The following SYNJ2 variants were observed in gnomAD, a reference collection of about 807,000 sequenced individuals.
The protein encoded by SYNJ2 is polyphosphatidylinositol phosphatase SYNJ2.
In SYNJ2, 116 loss-of-function variants were observed where a neutral mutation model predicts 141.3. The observed-to-expected ratio is 0.82, with a 90% CI of 0.71 to 0.96. The LOEUF is 0.96. Among genes scored for constraint, SYNJ2 ranks in the 40% least tolerant of loss-of-function variants. The pLI is 0.00. For synonymous variants in SYNJ2, 745 were observed against 777.7 expected, an observed-to-expected ratio of 0.96 and a Z score of 0.70; for missense variants, 1,873 against 1,934.8, an observed-to-expected ratio of 0.97 and a Z score of 0.60.
intron 5 of SYNJ2, among the ~76,000 whole-genome samples, chr6:158,052,972 T>C (rs901669247): frequency 1.3e-5 from 2 of 152,378 alleles, no homozygotes; most frequent in African/African-American, 4.8e-5. Context: ...TACTGCATTT[T>C]GTGGTCATGT....
At position 158,066,770 on chromosome 6, in the gene SYNJ2, C is replaced by G; in HGVS notation, c.1717+135C>G. The G allele has an allele frequency of 2.2e-5, 23 of 1,027,164 alleles. 2 individuals are homozygous for G. In the South Asian group the frequency reaches 3.5e-4, roughly 15 times the overall value. 63.6% of individuals were successfully genotyped at this position (1,027,164 alleles called of 1,614,324 possible). On this transcript the variant is annotated intron_variant, in intron 12 of 26. Transcript: ENST00000355585. ...CCCTCCTCACAATGTCTAAATAGCA[C>G]CATGGCCTGACTCTCAAGAATGCTG... is the stretch of plus-strand genomic sequence containing the variant.
At chr6:157,997,969 G>A (rs902204116) in intron 1 of SYNJ2, among the ~76,000 whole-genome samples, 1 of 152,222 alleles carries the variant, frequency 6.6e-6, no homozygotes, top group East Asian at 1.9e-4. Context: ...GAAAGGTAAG[G>A]GTGGATACTC....
intron 1 of SYNJ2, among the ~76,000 whole-genome samples, chr6:157,998,633 TAAA>T (rs1421251590): frequency 6.6e-6 from 1 of 152,144 alleles, no homozygotes; most frequent in Admixed American, 6.5e-5. Flanking sequence ...TATTTAAGTG[TAAA>T]AAAACAACTT....
At chr6:158,042,951 G>A (rs904174854) in intron 4 of SYNJ2, among the ~76,000 whole-genome samples, 3 of 152,218 alleles carry the variant, frequency 2.0e-5, no homozygotes, top group Non-Finnish European at 2.9e-5. Flanking sequence ...AGGGCTCTAA[G>A]GAAGGTTACA....
chr6:157,995,446 A>G (rs1777602939), intron 1 of SYNJ2, among the ~76,000 whole-genome samples: 1 of 152,244 alleles, frequency 6.6e-6, no homozygotes, highest in South Asian at 2.1e-4. Context: ...CTCCTAGGGC[A>G]GCTCTCTGTC....
chr6:157,994,061 T>C (rs2128316727), intron 1 of SYNJ2, among the ~76,000 whole-genome samples: 2 of 152,126 alleles, frequency 1.3e-5, no homozygotes, highest in East Asian at 3.9e-4. Context: ...TTGATCCACC[T>C]GCCTCGGACT....
intron 1 of SYNJ2, among the ~76,000 whole-genome samples, chr6:158,005,319 C>T (rs1444656939): frequency 6.6e-6 from 1 of 152,124 alleles, no homozygotes; most frequent in African/African-American, 2.4e-5. Flanking sequence ...CCTCGTGATC[C>T]ACCCACCTTG....
Position 158,096,306 on chromosome 6 carries a change from T to C in SYNJ2, c.4433T>C (p.Ile1478Thr). The part of the protein sequence containing the change: ...EHKTLGHWVT[I>T]SDQEKRTALQ... ...AAAACCTTAGGTCACTGGGTGACAA[T>C]CAGTGACCAAGAAAAGAGGACAGCA... The change falls in exon 27 of 27, where the codon ATC becomes ACC. Residue 1478 changes from isoleucine (I) to threonine (T), a missense_variant. Ile to Thr is a moderately conservative substitution (Grantham distance 89). Transcript: ENST00000355585. The C allele has an allele frequency of 2.5e-6, 4 of 1,613,664 alleles. No homozygotes were observed. Among genetic ancestry groups the C allele is most frequent in the Non-Finnish European group, 3.4e-6 (4 of 1,179,928 alleles).
intron 25 of SYNJ2, 140 bp from the exon 26 acceptor site, chr6:158,092,786 G>C: frequency 1.2e-6 from 1 of 814,598 alleles, no homozygotes; most frequent in Non-Finnish European, 1.8e-6. Flanking sequence ...AAGAAAAAAA[G>C]CTGGGACTGA....
chr6:157,986,322 G>A (rs141817013), intron 1 of SYNJ2, among the ~76,000 whole-genome samples: 1 of 152,186 alleles, frequency 6.6e-6, no homozygotes, highest in African/African-American at 2.4e-5. Context: ...AACTGGGATG[G>A]TGTGTGCTTC....
In SYNJ2 at chr6:158,093,151, T is replaced by A. The variant is rs1387580463; in HGVS notation, c.3744+47T>A. 5.1e-6 allele frequency: 8 copies of A among 1,566,530 alleles called. No homozygotes were observed. The Admixed American group carries it at 1.6e-4, about 31-fold the overall frequency. ...ACCTCTTACTCCTAAGTTGCTCACA[T>A]GTCTCGATAGATAAGAATTGTGGCC... On this transcript the variant is annotated intron_variant, in intron 26 of 26. Coordinates refer to ENST00000355585, the MANE Select transcript of SYNJ2 (RefSeq NM_003898.4).
intron 4 of SYNJ2, among the ~76,000 whole-genome samples, chr6:158,037,258 C>T (rs1385506402): frequency 6.6e-6 from 1 of 150,938 alleles, no homozygotes; most frequent in African/African-American, 2.5e-5. Flanking sequence ...CACCTGACCG[C>T]CCCGGCTCTT....
chr6:158,036,952 T>G (rs556079876), intron 4 of SYNJ2, among the ~76,000 whole-genome samples: 4 of 152,174 alleles, frequency 2.6e-5, no homozygotes, highest in Non-Finnish European at 5.9e-5. Context: ...GGTTTTGGAT[T>G]TCAACCAGAA....
chr6:158,082,142 A>C (rs1016089060), intron 20 of SYNJ2, among the ~76,000 whole-genome samples: 2 of 152,108 alleles, frequency 1.3e-5, no homozygotes, highest in African/African-American at 4.8e-5. Flanking sequence ...AGGTCAGGAG[A>C]TCGAGACCAG....
chr6:158,091,313 C>A (rs1783432755), intron 25 of SYNJ2, among the ~76,000 whole-genome samples: 2 of 150,808 alleles, frequency 1.3e-5, no homozygotes, highest in Admixed American at 1.3e-4. Context: ...AAGACTCCGT[C>A]TCAAAAAAAG....
At chr6:158,072,499 G>C (rs1781998268) in intron 15 of SYNJ2, among the ~76,000 whole-genome samples, 1 of 152,214 alleles carries the variant, frequency 6.6e-6, no homozygotes, top group African/African-American at 2.4e-5. Context: ...GACTTCAGCT[G>C]TTCTTGCTGC....
chr6:158,069,770 T>C (rs1357730665), intron 14 of SYNJ2, 97 bp downstream of exon 14: 2 of 1,403,238 alleles, frequency 1.4e-6, no homozygotes. Flanking sequence ...TCCCCTTCTG[T>C]AACAGGAATC....
intron 1 of SYNJ2, among the ~76,000 whole-genome samples, chr6:158,012,960 A>G (rs1239275540): frequency 6.6e-6 from 1 of 152,222 alleles, no homozygotes; most frequent in Non-Finnish European, 1.5e-5. Context: ...AACCCAGTCA[A>G]ATTCAAGTGA....
Position 158,064,906 on chromosome 6 carries a change from C to T in SYNJ2, c.1440C>T (p.Ala480=). ...TCTTCGACGGGGTGAAGCAGGAGGC[C>T]ATCAAGCTGCTGCTGGTTGGGGACG... ...SNFFDGVKQE[A]IKLLLVGDVY... is the part of the protein sequence containing the mutation. Residue 480 remains alanine, a synonymous_variant, in exon 11 of 27, where the codon GCC becomes GCT. Transcript: ENST00000355585. 6.2e-7 allele frequency: 1 copy of T among 1,613,804 alleles called. No individual in the cohort carries two copies.
Sources: allele counts gnomAD v4.1 joint callset (sites outside exome capture counted in the v4.1 genomes callset), GRCh38; gene constraint gnomAD v4.1.1; transcripts MANE v1.5; gene names NCBI Gene and HGNC (gene_info 2026-07-23, HGNC 2026-07-21).